The following CFAP65 variants were observed in gnomAD, a reference collection of about 807,000 sequenced individuals.
CFAP65 encodes cilia and flagella associated protein 65, also known as cilia- and flagella-associated protein 65.
A neutral mutation model predicts 208.0 loss-of-function variants in CFAP65; 155 were observed. The ratio of observed to expected loss-of-function variants is 0.75; its 90% CI spans 0.65 to 0.85. The LOEUF (loss-of-function observed/expected upper bound fraction) is 0.85, where lower values mean the gene tolerates loss of function less well. CFAP65 is among the 40% of genes least tolerant of loss of function. The probability of loss-of-function intolerance (pLI) is 0.00; values close to 1 mark genes in which losing one functional copy is unlikely to be tolerated. For missense variants in CFAP65, 2,294 were observed against 2,451.3 expected, an observed-to-expected ratio of 0.94 and a Z score of 1.36; for synonymous variants, 970 against 986.3, an observed-to-expected ratio of 0.98 and a Z score of 0.31.
intron 29 of CFAP65, among the ~76,000 whole-genome samples, chr2:219,008,386 A>C (rs911957528): frequency 1.3e-5 from 2 of 152,218 alleles, no homozygotes; most frequent in Non-Finnish European, 2.9e-5. Context: ...CATTAACTCC[A>C]GGAATGAAAC....
chr2:219,006,055 A>C lies in CFAP65; in HGVS notation c.4888T>G (p.Phe1630Val). 1 of 1,613,390 alleles carries C rather than the reference A, an allele frequency of 6.2e-7. No homozygotes were observed. The highest frequency in any genetic ancestry group is 8.5e-7 in the Non-Finnish European group (1 of 1,180,026). Residue 1630 changes from phenylalanine to valine, a missense_variant, in exon 31 of 35, where the codon TTC becomes GTC. Physicochemically the swap from Phe to Val is conservative, Grantham distance 50. This residue lies in a region of CFAP65 where 1,427 missense variants were observed against 1,438.7 expected (regional missense o/e 0.99). Coordinates refer to ENST00000341552, the MANE Select transcript of CFAP65 (RefSeq NM_194302.4). ...AAGTGGCAGGGAAACTCTGAGAAGA[A>C]GTTAGCCAGAAAGTAGTCGGTGGCA... ...AHATDYFLAN[F>V]FSEFPCHFLH...
At chr2:219,027,517 T>A (rs1279809984) in intron 13 of CFAP65, 133 bp downstream of exon 13, 1 of 1,607,454 alleles carries the variant, frequency 6.2e-7, no homozygotes, top group East Asian at 2.3e-5. Flanking sequence ...GGGGTCACTG[T>A]CCAGCCAAGA....
chr2:219,003,351 T>TG lies in CFAP65; in HGVS notation c.5556-80dup. On this transcript the variant is annotated intron_variant, in intron 33 of 34. Transcript: ENST00000341552. The surrounding 1 kb of genome is among the most constrained non-coding windows in gnomAD (Gnocchi z 4.4). The stretch of plus-strand genomic sequence containing the variant: ...TCGCTCGCCTGTCCGTGCGGTACAT[T>TG]GTGCCGCGAGCTCTACGGAGATTCC... 4.8e-6 allele frequency: 7 copies of TG among 1,443,342 alleles called. No individual in the cohort carries two copies. The highest frequency in any genetic ancestry group is 6.4e-6 in the Non-Finnish European group (7 of 1,096,870). 89.4% of individuals were successfully genotyped at this position (1,443,342 alleles called of 1,614,324 possible). A position where few individuals can be genotyped will look rare whatever the true frequency, so the allele number is the denominator to read the frequency against.
intron 19 of CFAP65, among the ~76,000 whole-genome samples, chr2:219,020,063 A>G (rs1268969233): frequency 2.2e-5 from 3 of 137,850 alleles, no homozygotes; most frequent in African/African-American, 5.7e-5. Context: ...TTTTTTTTGT[A>G]TATTCACAGA....
Position 219,010,721 on chromosome 2 carries a change from G to T in CFAP65, c.4150-17C>A. 6.3e-7 allele frequency: 1 copy of T among 1,599,170 alleles called. No individual in the cohort carries two copies. The highest frequency in any genetic ancestry group is 8.5e-7 in the Non-Finnish European group (1 of 1,172,388). ...CACGTCCACCTGGGGAGTTAGGAGG[G>T]TGGGGGTAGGGACTGGTCAGAGGGA... On this transcript the variant is annotated splice_polypyrimidine_tract_variant and intron_variant, in intron 25 of 34. Coordinates refer to ENST00000341552, the MANE Select transcript of CFAP65 (RefSeq NM_194302.4).
At position 219,003,977 on chromosome 2, in the gene CFAP65, G is replaced by C; in HGVS notation, c.5530C>G (p.Gln1844Glu). The C allele has an allele frequency of 6.2e-7, 1 of 1,613,746 alleles. No homozygotes were observed. Among genetic ancestry groups the C allele is most frequent in the Non-Finnish European group, 8.5e-7 (1 of 1,179,870 alleles). Residue 1844 changes from glutamine to glutamate, a missense_variant, in exon 33 of 35, where the codon CAG becomes GAG. Around this residue, in one of 2 missense-constraint regions of CFAP65, gnomAD observed 1,427 missense variants for 1,438.7 expected, o/e 0.99. Coordinates refer to ENST00000341552, the MANE Select transcript of CFAP65 (RefSeq NM_194302.4). The surrounding 1 kb of genome is among the most constrained non-coding windows in gnomAD (Gnocchi z 4.4). Reference sequence around the variant, plus strand: ...CTTCTGATGGCCTCCTTCTCGTCCTGTTCTTGCTCCTCCTTCACCATGACA... The same window carrying C: ...CTTCTGATGGCCTCCTTCTCGTCCTCTTCTTGCTCCTCCTTCACCATGACA... The part of the protein sequence containing the change: ...LNVMVKEEQE[Q>E]DEKEAIRRLP...
rs1444130382 is a variant in CFAP65 at position 219,005,425 on chromosome 2, A to G, written c.5051+9T>C. Reference sequence around the variant, plus strand: ...GGTGGCAATGAGGGCCCAGGGTGTGAGCTGGTACCTGATTATTGTGGTGAG... The same window carrying G: ...GGTGGCAATGAGGGCCCAGGGTGTGGGCTGGTACCTGATTATTGTGGTGAG... On this transcript the variant is annotated intron_variant, in intron 32 of 34. Coordinates refer to ENST00000341552, the MANE Select transcript of CFAP65 (RefSeq NM_194302.4). The G allele has an allele frequency of 6.2e-7, 1 of 1,613,696 alleles. No homozygotes were observed. Among genetic ancestry groups the G allele is most frequent in the Non-Finnish European group, 8.5e-7 (1 of 1,179,922 alleles).
rs750043190 is a variant in CFAP65, at chr2:219,031,403, C to G, written c.815+86G>C. On this transcript the variant is annotated intron_variant, in intron 7 of 34. Transcript: ENST00000341552. The surrounding 1 kb of genome is among the most constrained non-coding windows in gnomAD (Gnocchi z 5.2). Reference sequence around the variant, plus strand: ...GGCAGAACCTCAGACTACCCTACCCCGACAAGGGTATGCCTGTCTCTCCTG... The same window carrying G: ...GGCAGAACCTCAGACTACCCTACCCGGACAAGGGTATGCCTGTCTCTCCTG... The G allele has an allele frequency of 1.9e-6, 3 of 1,607,310 alleles. No individual in the cohort carries two copies. Among genetic ancestry groups the G allele is most frequent in the African/African-American group, 2.7e-5 (2 of 74,816 alleles).
chr2:219,010,571 T>G lies in CFAP65; in HGVS notation c.4283A>C (p.His1428Pro), dbSNP rs1226527168. Residue 1428 changes from histidine (H) to proline (P), a missense_variant, in exon 26 of 35, where the codon CAC becomes CCC. Transcript: ENST00000341552. ...CTGTCCAGGCACCACCAGCCTAGAG[T>G]GTATGGAACTGTTGTCCCACGAGGA... Reference protein sequence around the residue: ...NISSWDNSSIHSRLVVPGQNV... With the variant: ...NISSWDNSSIPSRLVVPGQNV... The G allele has an allele frequency of 6.2e-7, 1 of 1,610,888 alleles. No individual in the cohort carries two copies. The highest frequency in any genetic ancestry group is 2.1e-4 in the Middle Eastern group (1 of 4,802).
intron 21 of CFAP65, chr2:219,014,553 A>C (rs1196807539): frequency 6.5e-6 from 1 of 153,128 alleles, no homozygotes; most frequent in African/African-American, 2.4e-5. Context: ...CATGCCTAGG[A>C]CTGCGGTAAA....
At chr2:219,019,201 G>T (rs1350066119) in intron 20 of CFAP65, 22 bp from the exon 21 acceptor site, 3 of 1,598,644 alleles carry the variant, frequency 1.9e-6, no homozygotes, top group South Asian at 2.3e-5. Flanking sequence ...AGAGAAAGGG[G>T]TTCAGAGATG....
In CFAP65 at chr2:219,031,297, G is replaced by C. The variant is rs758375852; in HGVS notation, c.824C>G (p.Pro275Arg). The C allele has an allele frequency of 8.1e-6, 13 of 1,613,658 alleles. No homozygotes were observed. The South Asian group carries it at 1.4e-4, about 18-fold the overall frequency. The part of the protein sequence containing the change: ...FFCLDNVGDL[P>R]TFFTWEFSSP... ...GGAGAACTCCCAGGTGAAGAAGGTG[G>C]GCAGGTCCCTGGGGGTGGGGGGCAG... is the stretch of plus-strand genomic sequence containing the variant. Residue 275 changes from proline to arginine, a missense_variant, in exon 8 of 35, where the codon CCC becomes CGC. Pro to Arg is a moderately radical substitution (Grantham distance 103, BLOSUM62 -2). Around this residue, in one of 2 missense-constraint regions of CFAP65, gnomAD observed 867 missense variants for 1,012.6 expected, o/e 0.86. Coordinates refer to ENST00000341552, the MANE Select transcript of CFAP65 (RefSeq NM_194302.4). This position sits in a 1 kb window ranked among gnomAD's most constrained non-coding sequence, Gnocchi z 5.2.
At position 219,021,785 on chromosome 2, in the gene CFAP65, G is replaced by T. The variant is rs976268369; in HGVS notation, c.3125C>A (p.Pro1042His). ...CCCAGCTCAGGCCCAAGTACCGAGG[G>T]GGTGGTTGTCAACGGCCTCAGGGCT... The part of the protein sequence containing the change: ...QGSPEAVDNH[P>H]LALQLDRTEG... The change falls in exon 18 of 35, where the codon CCC becomes CAC. Residue 1042 changes from proline to histidine, a missense_variant. Physicochemically the swap from Pro to His is moderately conservative, Grantham distance 77 (BLOSUM62 -2). Coordinates refer to ENST00000341552, the MANE Select transcript of CFAP65 (RefSeq NM_194302.4). 15 of 1,613,378 alleles carry T rather than the reference G, an allele frequency of 9.3e-6. No homozygotes were observed. In the East Asian group the frequency reaches 3.3e-4, roughly 36 times the overall value.
At position 219,008,010 on chromosome 2, in the gene CFAP65, G is replaced by A. The variant is rs1946146487; in HGVS notation, c.4674+1037C>T. On this transcript the variant is annotated intron_variant, in intron 29 of 34. Coordinates refer to ENST00000341552, the MANE Select transcript of CFAP65 (RefSeq NM_194302.4). ...ATTTTTGTATTTTTAGTAGAGACGG[G>A]GTTTCACCATGTTGGCCAGGCTGGA... is the stretch of plus-strand genomic sequence containing the variant. 2.6e-5 allele frequency among the ~76,000 whole-genome samples: 4 copies of A among 151,846 alleles called. No individual in the cohort carries two copies. In the South Asian group the frequency reaches 8.3e-4, roughly 32 times the overall value.
Position 219,003,243 on chromosome 2 carries a change from G to A in CFAP65, c.5585C>T (p.Ala1862Val). The A allele has an allele frequency of 1.9e-6, 3 of 1,546,018 alleles. No homozygotes were observed. In the South Asian group the frequency reaches 3.6e-5, roughly 18 times the overall value. The stretch of plus-strand genomic sequence containing the variant: ...GTTCTGGATCATGTTCTCCAGCAGC[G>A]CCTCCTGCAGGTTGGCGAAGGCCGG... ...RLPAFANLQE[A>V]LLENMIQNIL... Residue 1862 changes from alanine (A) to valine (V), a missense_variant, in exon 34 of 35, where the codon GCG becomes GTG. By Grantham distance (64) the Ala-to-Val change is moderately conservative. This residue lies in a region of CFAP65 where 1,427 missense variants were observed against 1,438.7 expected (regional missense o/e 0.99). Coordinates refer to ENST00000341552, the MANE Select transcript of CFAP65 (RefSeq NM_194302.4). The surrounding 1 kb of genome is among the most constrained non-coding windows in gnomAD (Gnocchi z 4.4).
rs552277046 is a variant in CFAP65 at position 219,025,072 on chromosome 2, T to C, written c.2350-812A>G. ...GGTGTGGCCAGCACCAGCTGAGAGCTGAGCAGGCTGCAAAACACAAAACCT... is the reference window on the plus strand; with the variant it reads ...GGTGTGGCCAGCACCAGCTGAGAGCCGAGCAGGCTGCAAAACACAAAACCT... On this transcript the variant is annotated intron_variant, in intron 14 of 34. Coordinates refer to ENST00000341552, the MANE Select transcript of CFAP65 (RefSeq NM_194302.4). 7.6e-4 allele frequency among the ~76,000 whole-genome samples: 116 copies of C among 152,336 alleles called. 1 individual carries two copies. In the South Asian group the frequency reaches 0.023, roughly 31 times the overall value.
intron 32 of CFAP65, 52 bp downstream of exon 32, chr2:219,005,382 G>A (rs200343211): frequency 6.8e-6 from 11 of 1,608,392 alleles, no homozygotes; most frequent in African/African-American, 1.3e-5. Context: ...CTGGCTGAAT[G>A]AGCTGGAGGG....
chr2:219,031,040 G>A lies in CFAP65; in HGVS notation c.1015+66C>T. On this transcript the variant is annotated intron_variant, in intron 8 of 34. Coordinates refer to ENST00000341552, the MANE Select transcript of CFAP65 (RefSeq NM_194302.4). The surrounding 1 kb of genome is among the most constrained non-coding windows in gnomAD (Gnocchi z 5.2). The stretch of plus-strand genomic sequence containing the variant: ...GGCCAGATGGGAGGTGGGGGACACT[G>A]AGGCCTGGAGGACCCAGAAGGTGCA... 3 of 1,511,752 alleles carry A rather than the reference G, an allele frequency of 2.0e-6. No homozygotes were observed. The highest frequency in any genetic ancestry group is 2.7e-6 in the Non-Finnish European group (3 of 1,118,652). 93.6% of individuals were successfully genotyped at this position (1,511,752 alleles called of 1,614,324 possible).
chr2:219,009,828 G>A, intron 27 of CFAP65, 114 bp downstream of exon 27: 1 of 856,150 alleles, frequency 1.2e-6, no homozygotes, highest in Non-Finnish European at 1.7e-6. Context: ...GGATGGGATG[G>A]GATGGGGTTT....
Sources: gnomAD v4.1 joint callset for allele counts (sites outside exome capture counted in the v4.1 genomes callset) on GRCh38, gnomAD v4.1.1 for gene constraint, gnomAD v4.1.1 regional missense constraint, Gnocchi (gnomAD v3.1) non-coding constraint, MANE v1.5 for transcripts, NCBI Gene and HGNC (gene_info 2026-07-23, HGNC 2026-07-21) for gene names.